The following PAQR5 variants were observed in gnomAD, a reference collection of about 807,000 sequenced individuals.
PAQR5 encodes progestin and adipoQ receptor family member 5, also known as membrane progestin receptor gamma.
Under a neutral mutation model 34.5 loss-of-function variants are expected in PAQR5, and 20 were observed. The ratio of observed to expected loss-of-function variants is 0.58; its 90% confidence interval spans 0.41 to 0.84. PAQR5 has a LOEUF of 0.84. Ranked by LOEUF, PAQR5 falls within the 40% of genes least tolerant of loss-of-function variation. PAQR5 has a pLI of 0.00. For synonymous variants in PAQR5, 131 were observed against 155.6 expected (o/e 0.84, Z 1.18); for missense variants, 378 against 412.7 (o/e 0.92, Z 0.73).
chr15:69,350,732 C>T (rs1218501436), intron 2 of PAQR5, among the ~76,000 whole-genome samples: 2 of 151,990 alleles, frequency 1.3e-5, no homozygotes, highest in African/African-American at 4.8e-5. Flanking sequence ...ACTCACAGTA[C>T]CTCAATCAAT....
chr15:69,328,297 TA>T (rs1275935084), intron 1 of PAQR5, among the ~76,000 whole-genome samples: 2 of 152,206 alleles, frequency 1.3e-5, no homozygotes, highest in East Asian at 3.9e-4. Flanking sequence ...GTTTATAAGC[TA>T]AGGATAGAGA....
chr15:69,302,697 C>A (rs2053630970), intron 1 of PAQR5, among the ~76,000 whole-genome samples: 1 of 152,170 alleles, frequency 6.6e-6, no homozygotes, highest in Non-Finnish European at 1.5e-5. Context: ...GACAGGCCAG[C>A]ACACCTGGGG....
At chr15:69,319,908 C>T (rs950779516) in intron 1 of PAQR5, among the ~76,000 whole-genome samples, 9 of 152,228 alleles carry the variant, frequency 5.9e-5, no homozygotes, top group African/African-American at 2.2e-4. Context: ...CCTCGCCCCA[C>T]GTCTTCTCTG....
Position 69,355,403 on chromosome 15 carries a change from TTTC to T in PAQR5, c.-115-4560_-115-4558del, listed in dbSNP as rs1447938439. On this transcript the variant is annotated intron_variant, in intron 2 of 8. Transcript: ENST00000395407. ...TTCTTTCTTTCTCTTTCTTTCCTTC[TTTC>T]TTTTTTTTCTTTTTCTTTTTCTTTT... Among the ~76,000 whole-genome samples, 4 of 146,776 alleles carry T rather than the reference TTTC, an allele frequency of 2.7e-5. No homozygotes were observed. The Admixed American group carries it at 2.8e-4, about 10-fold the overall frequency.
intron 1 of PAQR5, among the ~76,000 whole-genome samples, chr15:69,305,564 C>T: frequency 6.6e-6 from 1 of 152,052 alleles, no homozygotes; most frequent in Non-Finnish European, 1.5e-5. Context: ...CGGGCCCGCA[C>T]ACTAAGGTCA....
chr15:69,384,264 T>C (rs1595922396), intron 4 of PAQR5, among the ~76,000 whole-genome samples: 1 of 119,026 alleles, frequency 8.4e-6, no homozygotes, highest in South Asian at 2.9e-4. Flanking sequence ...TGGTGGAGGG[T>C]GAGTGGGCCT....
In PAQR5 at chr15:69,400,046, C is replaced by T. The variant is rs2056574703; in HGVS notation, c.682C>T (p.Leu228Phe). 1.2e-6 allele frequency: 2 copies of T among 1,614,120 alleles called. No individual in the cohort carries two copies. The highest frequency in any genetic ancestry group is 1.7e-5 in the Admixed American group (1 of 60,014). The change falls in exon 8 of 9, where the codon CTC (leucine) becomes TTC (phenylalanine). Residue 228 changes from leucine to phenylalanine, a missense_variant. Transcript: ENST00000395407. ...CCACCAGAAGCACATGATCATGACC[C>T]TCCTGGCCTCTTTCTTGTACTCTGC... ...SYHQKHMIMT[L>F]LASFLYSAHL...
At chr15:69,322,787 C>G (rs12591054) in intron 1 of PAQR5, among the ~76,000 whole-genome samples, 1,008 of 37,134 alleles carry the variant, frequency 0.027, 217 homozygotes, top group African/African-American at 0.063. Context: ...AAGAAGAAGA[C>G]GAGGAAGAAG....
intron 1 of PAQR5, among the ~76,000 whole-genome samples, chr15:69,335,612 C>T (rs1391016204): frequency 7.5e-5 from 10 of 133,610 alleles, no homozygotes; most frequent in Admixed American, 2.5e-4. Context: ...TGCAGTGGCA[C>T]GATCTTGGCT....
intron 8 of PAQR5, among the ~76,000 whole-genome samples, chr15:69,403,148 A>C (rs2056686372): frequency 1.3e-5 from 2 of 152,284 alleles, no homozygotes; most frequent in Non-Finnish European, 2.9e-5. Flanking sequence ...CATCTGAAAA[A>C]TGAGACTGGT....
At chr15:69,366,487 T>A (rs1250824636) in intron 3 of PAQR5, among the ~76,000 whole-genome samples, 1 of 152,316 alleles carries the variant, frequency 6.6e-6, no homozygotes, top group Non-Finnish European at 1.5e-5. Flanking sequence ...AGTTGCTGGA[T>A]CATATGGTAA....
chr15:69,373,634 C>T (rs1171557560), intron 3 of PAQR5, among the ~76,000 whole-genome samples: 2 of 152,124 alleles, frequency 1.3e-5, no homozygotes, highest in Non-Finnish European at 2.9e-5. Context: ...GTCAGAGTCT[C>T]GCTTTGTTGA....
intron 1 of PAQR5, among the ~76,000 whole-genome samples, chr15:69,330,622 T>A (rs995753850): frequency 2.0e-4 from 30 of 152,162 alleles, no homozygotes; most frequent in African/African-American, 7.0e-4. Flanking sequence ...AGAAGACAAC[T>A]TCGACTCCCT....
At chr15:69,339,781 A>G (rs1271281695) in intron 2 of PAQR5, among the ~76,000 whole-genome samples, 1 of 151,734 alleles carries the variant, frequency 6.6e-6, no homozygotes, top group Non-Finnish European at 1.5e-5. Context: ...CCCCTCCACA[A>G]TCTTTAGAAT....
At chr15:69,348,221 A>G (rs1034814449) in intron 2 of PAQR5, among the ~76,000 whole-genome samples, 1 of 152,246 alleles carries the variant, frequency 6.6e-6, no homozygotes, top group African/African-American at 2.4e-5. Context: ...CTGAAAATTA[A>G]TAATAGGAAG....
intron 2 of PAQR5, among the ~76,000 whole-genome samples, chr15:69,344,188 C>T (rs574314243): frequency 1.3e-5 from 2 of 152,338 alleles, no homozygotes; most frequent in East Asian, 1.9e-4. Context: ...AAAGTTCATG[C>T]ATGGCTGATG....
At chr15:69,364,985 C>G (rs2055358077) in intron 3 of PAQR5, among the ~76,000 whole-genome samples, 1 of 152,090 alleles carries the variant, frequency 6.6e-6, no homozygotes, top group Non-Finnish European at 1.5e-5. Flanking sequence ...ATTCACCTGC[C>G]TTGGCCTCCC....
At chr15:69,343,173 A>G (rs866725740) in intron 2 of PAQR5, among the ~76,000 whole-genome samples, 4 of 152,164 alleles carry the variant, frequency 2.6e-5, no homozygotes, top group Admixed American at 6.5e-5. Context: ...CCTACCAAAC[A>G]GTGTTCTTTG....
At chr15:69,317,951 A>T (rs1399430194) in intron 1 of PAQR5, among the ~76,000 whole-genome samples, 1 of 151,754 alleles carries the variant, frequency 6.6e-6, no homozygotes, top group Non-Finnish European at 1.5e-5. Flanking sequence ...TTTGGTATCC[A>T]CCTAAAGCAC....
Sources: gnomAD v4.1 joint callset for allele counts (sites outside exome capture counted in the v4.1 genomes callset) on GRCh38, gnomAD v4.1.1 for gene constraint, MANE v1.5 for transcripts, NCBI Gene and HGNC (gene_info 2026-07-23, HGNC 2026-07-21) for gene names.